The following ZNF605 variants were observed in gnomAD, a reference collection of about 807,000 sequenced individuals.
ZNF605 encodes zinc finger protein 605.
Under a neutral mutation model 7.9 loss-of-function variants are expected in ZNF605, and 9 were observed. That is an observed-to-expected ratio of 1.14 (90% CI 0.68 to 1.98). The LOEUF is 1.98. ZNF605 is among the 30% of genes most tolerant of loss of function. ZNF605 has a pLI of 0.00. For missense variants in ZNF605, 673 were observed against 762.4 expected (o/e 0.88, Z 1.38); for synonymous variants, 255 against 260.1 (o/e 0.98, Z 0.19).
intron 4 of ZNF605, among the ~76,000 whole-genome samples, chr12:132,931,373 A>G (rs1952307747): frequency 6.6e-6 from 1 of 152,064 alleles, no homozygotes; most frequent in Admixed American, 6.6e-5. Context: ...CTTTATGGGG[A>G]AAAAAATCTT....
intron 3 of ZNF605, among the ~76,000 whole-genome samples, chr12:132,939,533 T>C (rs1952410259): frequency 6.6e-6 from 1 of 151,924 alleles, no homozygotes; most frequent in South Asian, 2.1e-4. Context: ...GTGTGGAAAC[T>C]CTGTATCTAA....
chr12:132,955,473 G>A (rs941206485), intron 1 of ZNF605, among the ~76,000 whole-genome samples: 9 of 152,206 alleles, frequency 5.9e-5, no homozygotes, highest in Non-Finnish European at 1.2e-4. Context: ...GATGAGGCAA[G>A]CGACGGCAAC....
At chr12:132,936,397 AC>A (rs1952367249) in intron 3 of ZNF605, among the ~76,000 whole-genome samples, 2 of 152,142 alleles carry the variant, frequency 1.3e-5, no homozygotes, top group African/African-American at 4.8e-5. Context: ...ATATAAAGCA[AC>A]CCCAGCTACA....
At chr12:132,943,118 T>C (rs749552017) in intron 3 of ZNF605, among the ~76,000 whole-genome samples, 140 of 152,154 alleles carry the variant, frequency 9.2e-4, no homozygotes, top group Non-Finnish European at 1.8e-3. Context: ...ATCCCCGCAC[T>C]TTGGGAGACT....
At chr12:132,946,730 G>C (rs1432840901) in intron 2 of ZNF605, among the ~76,000 whole-genome samples, 1 of 152,190 alleles carries the variant, frequency 6.6e-6, no homozygotes, top group Non-Finnish European at 1.5e-5. Context: ...GCCCAGAGTG[G>C]GGGCAGCTCA....
At chr12:132,938,712 A>C (rs1356094830) in intron 3 of ZNF605, among the ~76,000 whole-genome samples, 1 of 152,296 alleles carries the variant, frequency 6.6e-6, no homozygotes, top group Non-Finnish European at 1.5e-5. Flanking sequence ...GGGCTGGCCA[A>C]GGCTGGAGCC....
chr12:132,955,101 G>A (rs1952622054), intron 1 of ZNF605, among the ~76,000 whole-genome samples: 1 of 152,118 alleles, frequency 6.6e-6, no homozygotes, highest in Non-Finnish European at 1.5e-5. Context: ...TATTGGAAGT[G>A]GGGAAAAAAA....
chr12:132,930,259 C>T (rs1952294215), intron 4 of ZNF605, among the ~76,000 whole-genome samples: 1 of 152,166 alleles, frequency 6.6e-6, no homozygotes, highest in Non-Finnish European at 1.5e-5. Context: ...GCCTGCAACT[C>T]CCAGCCTCAA....
At position 132,925,803 on chromosome 12, in the gene ZNF605, T is replaced by C; in HGVS notation, c.1496A>G (p.His499Arg). The C allele has an allele frequency of 6.2e-7, 1 of 1,614,174 alleles. No individual in the cohort carries two copies. ...KSSLIHHQRTHTGEKPFECSE... is the reference protein window; with the variant it reads ...KSSLIHHQRTRTGEKPFECSE... ...ACATTCAAAGGGCTTTTCTCCAGTA[T>C]GGGTTCTCTGATGATGAATGAGACT... is the stretch of plus-strand genomic sequence containing the variant. The change falls in exon 5 of 5, where the codon CAT becomes CGT. Residue 499 changes from histidine to arginine, a missense_variant. Transcript: ENST00000360187.
chr12:132,938,596 C>A (rs1314973861), intron 3 of ZNF605, among the ~76,000 whole-genome samples: 4 of 152,236 alleles, frequency 2.6e-5, no homozygotes, highest in African/African-American at 9.6e-5. Flanking sequence ...TGCTGGCAGT[C>A]CTCAGAGCCC....
intron 4 of ZNF605, among the ~76,000 whole-genome samples, chr12:132,931,034 T>C (rs1467170757): frequency 6.6e-6 from 1 of 152,088 alleles, no homozygotes; most frequent in Non-Finnish European, 1.5e-5. Flanking sequence ...ACCAAATTTT[T>C]AAAAATTAGC....
intron 3 of ZNF605, among the ~76,000 whole-genome samples, chr12:132,938,001 G>A (rs893677523): frequency 1.3e-5 from 2 of 152,188 alleles, no homozygotes; most frequent in Non-Finnish European, 2.9e-5. Context: ...ATTTATTTGA[G>A]AGGGAGTCTC....
At chr12:132,949,786 G>A (rs978761251) in intron 1 of ZNF605, among the ~76,000 whole-genome samples, 9 of 152,318 alleles carry the variant, frequency 5.9e-5, no homozygotes, top group African/African-American at 2.2e-4. Flanking sequence ...CGTGGTGAAT[G>A]GCAGAGCAAG....
chr12:132,932,810 C>T (rs907975518), intron 4 of ZNF605: 5 of 1,532,932 alleles, frequency 3.3e-6, no homozygotes, highest in Non-Finnish European at 4.4e-6. Context: ...GAAAACCTGT[C>T]GATTGGAAAC....
intron 3 of ZNF605, among the ~76,000 whole-genome samples, chr12:132,939,328 GTATC>G (rs1355389968): frequency 6.6e-6 from 1 of 152,208 alleles, no homozygotes; most frequent in Non-Finnish European, 1.5e-5. Context: ...TCAACACTCT[GTATC>G]TAGCTGCTGG....
chr12:132,951,109 TACAG>T (rs1952558960), intron 1 of ZNF605, among the ~76,000 whole-genome samples: 1 of 148,966 alleles, frequency 6.7e-6, no homozygotes, highest in African/African-American at 2.5e-5. Flanking sequence ...CTCACAGACG[TACAG>T]ACACACTGAT....
In ZNF605 at chr12:132,919,809, T is replaced by C. The variant is rs1952187385; in HGVS notation, c.*5564A>G. The C allele has an allele frequency of 6.6e-6, 1 of 152,210 alleles. No individual in the cohort carries two copies. Among genetic ancestry groups the C allele is most frequent in the Non-Finnish European group, 1.5e-5 (1 of 68,046 alleles). 9.4% of individuals were successfully genotyped at this position (152,210 alleles called of 1,614,324 possible). A position where few individuals can be genotyped will look rare whatever the true frequency, so the allele number is the denominator to read the frequency against. On this transcript the variant is annotated 3_prime_UTR_variant, in exon 5 of 5. Transcript: ENST00000360187. ...TCTTTTTGCTGTGCACATTTCGAGA[T>C]TTAGGTATCACTAAATAAGTTTGGT...
chr12:132,945,246 G>T, intron 3 of ZNF605: 1 of 666,318 alleles, frequency 1.5e-6, no homozygotes, highest in Non-Finnish European at 2.6e-6. Flanking sequence ...TTACAGGCAT[G>T]AGCCACCATG....
intron 1 of ZNF605, 114 bp downstream of exon 1, chr12:132,956,129 T>C (rs1952635447): frequency 2.6e-5 from 4 of 151,218 alleles, no homozygotes; most frequent in Admixed American, 2.6e-4. Context: ...TCGTTCGCGC[T>C]GGGGTCACCG....
Sources: gnomAD v4.1 joint callset for allele counts (sites outside exome capture counted in the v4.1 genomes callset) on GRCh38, gnomAD v4.1.1 for gene constraint, MANE v1.5 for transcripts, NCBI Gene and HGNC (gene_info 2026-07-23, HGNC 2026-07-21) for gene names.